Variants in NXPE2 observed in about 807,000 individuals in gnomAD.
The protein encoded by NXPE2 is neurexophilin and PC-esterase domain family member 2.
A neutral mutation model predicts 34.4 loss-of-function variants in NXPE2; 34 were observed. The observed-to-expected ratio is 0.99, with a 90% confidence interval of 0.75 to 1.31. The LOEUF (loss-of-function observed/expected upper bound fraction) is 1.31, where lower values mean the gene tolerates loss of function less well. Among genes scored for constraint, NXPE2 ranks in the 40% most tolerant of loss-of-function variants. NXPE2 has a pLI of 0.00. For synonymous variants in NXPE2, 235 were observed against 231.3 expected, an observed-to-expected ratio of 1.02 and a Z score of -0.15; for missense variants, 649 against 672.5, an observed-to-expected ratio of 0.97 and a Z score of 0.39.
chr11:114,512,929 GA>G, the NXPE2 span: 5 of 311,436 alleles, frequency 1.6e-5, no homozygotes, highest in Non-Finnish European at 3.2e-5. Context: ...GGTGCCGCTG[GA>G]AAACTGGCCC....
the NXPE2 span, among the ~76,000 whole-genome samples, chr11:114,632,294 TCCA>T: frequency 2.2e-5 from 3 of 137,686 alleles, no homozygotes; most frequent in Non-Finnish European, 4.6e-5. Context: ...ATGTATATTA[TCCA>T]CCACCACCAC....
At chr11:114,752,314 TG>T in the NXPE2 span, among the ~76,000 whole-genome samples, 1 of 152,232 alleles carries the variant, frequency 6.6e-6, no homozygotes, top group Non-Finnish European at 1.5e-5. Flanking sequence ...GGCAGTGCAC[TG>T]TCAGTTCATG....
chr11:114,660,805 A>G, the NXPE2 span, among the ~76,000 whole-genome samples: 1 of 152,168 alleles, frequency 6.6e-6, no homozygotes, highest in South Asian at 2.1e-4. Context: ...AAATACAACT[A>G]CATATTTTCA....
the NXPE2 span, among the ~76,000 whole-genome samples, chr11:114,550,453 G>A: frequency 6.6e-6 from 1 of 152,062 alleles, no homozygotes; most frequent in Non-Finnish European, 1.5e-5. Flanking sequence ...TACGGAGGCC[G>A]CACTCAACAT....
chr11:114,675,015 T>A (rs1190245926), upstream of NXPE2, among the ~76,000 whole-genome samples: 1 of 150,930 alleles, frequency 6.6e-6, no homozygotes, highest in Non-Finnish European at 1.5e-5. Context: ...AATCTATACA[T>A]GTAATCCATC....
the NXPE2 span, among the ~76,000 whole-genome samples, chr11:114,725,967 T>TAAAAA: frequency 1.2e-4 from 9 of 77,044 alleles, 1 homozygote; most frequent in Admixed American, 3.2e-4. Flanking sequence ...TAAAGTATAA[T>TAAAAA]AAAAAAAAAA....
the NXPE2 span, among the ~76,000 whole-genome samples, chr11:114,525,192 A>G: frequency 6.6e-6 from 1 of 151,786 alleles, no homozygotes; most frequent in East Asian, 1.9e-4. Flanking sequence ...TGTTTCGAGA[A>G]ACTGGATGTG....
the NXPE2 span, among the ~76,000 whole-genome samples, chr11:114,585,021 G>A: frequency 6.6e-6 from 1 of 152,072 alleles, no homozygotes; most frequent in Non-Finnish European, 1.5e-5. Flanking sequence ...CTTTGGAAAG[G>A]TGCCTTTATT....
chr11:114,698,864 T>C (rs914251502), intron 3 of NXPE2, 86 bp downstream of exon 3: 3 of 1,270,394 alleles, frequency 2.4e-6, no homozygotes, highest in Middle Eastern at 2.5e-4. Flanking sequence ...CAAACTTTTG[T>C]ATCATGTCAA....
chr11:114,683,652 C>A (rs995382102), intron 2 of NXPE2, among the ~76,000 whole-genome samples: 1 of 152,166 alleles, frequency 6.6e-6, no homozygotes, highest in Non-Finnish European at 1.5e-5. Flanking sequence ...ATCTCTTGAA[C>A]TCATGATCTG....
the NXPE2 span, among the ~76,000 whole-genome samples, chr11:114,719,964 A>G: frequency 6.6e-6 from 1 of 152,208 alleles, no homozygotes; most frequent in South Asian, 2.1e-4. Context: ...TATATCCTTC[A>G]GTCTGCAGCT....
At chr11:114,590,778 A>G in the NXPE2 span, among the ~76,000 whole-genome samples, 1 of 152,190 alleles carries the variant, frequency 6.6e-6, no homozygotes, top group African/African-American at 2.4e-5. Flanking sequence ...TATTGGCCCT[A>G]CTGGTACTGG....
chr11:114,713,633 C>A, the NXPE2 span, among the ~76,000 whole-genome samples: 1 of 152,158 alleles, frequency 6.6e-6, no homozygotes, highest in Non-Finnish European at 1.5e-5. Context: ...AGTTCAAACC[C>A]CTGTTGTTCA....
chr11:114,773,415 G>A, the NXPE2 span, among the ~76,000 whole-genome samples: 2 of 151,808 alleles, frequency 1.3e-5, no homozygotes, highest in African/African-American at 2.4e-5. Context: ...ACTCAACAAA[G>A]TTTGCATTCA....
the NXPE2 span, among the ~76,000 whole-genome samples, chr11:114,477,924 T>C: frequency 1.3e-5 from 2 of 152,190 alleles, no homozygotes. Context: ...GCTTTGCCTT[T>C]GGTGATCGGA....
At chr11:114,626,489 CAG>C in the NXPE2 span, among the ~76,000 whole-genome samples, 14 of 152,308 alleles carry the variant, frequency 9.2e-5, no homozygotes, top group South Asian at 2.9e-3. Context: ...GGAAAACTAA[CAG>C]AAAGGACATC....
the NXPE2 span, among the ~76,000 whole-genome samples, chr11:114,579,922 T>C: frequency 1.3e-4 from 20 of 152,320 alleles, no homozygotes; most frequent in African/African-American, 4.6e-4. Context: ...GATAGGGATG[T>C]AATAAACCTT....
At chr11:114,536,021 C>T in the NXPE2 span, among the ~76,000 whole-genome samples, 1 of 152,150 alleles carries the variant, frequency 6.6e-6, no homozygotes, top group African/African-American at 2.4e-5. Flanking sequence ...AAATTGACCA[C>T]ATAGTTGGAA....
At chr11:114,530,124 T>G in the NXPE2 span, 1 of 1,528,858 alleles carries the variant, frequency 6.5e-7, no homozygotes, top group South Asian at 1.3e-5. Context: ...TAGCTCTGAC[T>G]GGGGCACTTC....
Sources: allele counts gnomAD v4.1 joint callset (sites outside exome capture counted in the v4.1 genomes callset), GRCh38; gene constraint gnomAD v4.1.1; transcripts MANE v1.5; gene names NCBI Gene and HGNC (gene_info 2026-07-23, HGNC 2026-07-21).